RTKN2: variants seen among roughly 807,000 people sequenced by gnomAD.
The protein encoded by RTKN2 is rhotekin-2.
Under a neutral mutation model 71.5 loss-of-function variants are expected in RTKN2, and 69 were observed. That is an observed-to-expected ratio of 0.96 (90% CI 0.79 to 1.18). RTKN2 has a LOEUF of 1.18. Among genes scored for constraint, RTKN2 ranks in the 50% most tolerant of loss-of-function variants. The pLI is 0.00. For synonymous variants in RTKN2, 236 were observed against 236.5 expected (o/e 1.00, Z 0.02); for missense variants, 724 against 719.7 (o/e 1.01, Z -0.07).
intron 6 of RTKN2, among the ~76,000 whole-genome samples, chr10:62,234,424 G>A (rs185684975): frequency 3.7e-4 from 56 of 151,068 alleles, no homozygotes; most frequent in Non-Finnish European, 6.5e-4. Flanking sequence ...TAGCTACTCA[G>A]GAGGCTGAGG....
At chr10:62,205,248 T>G (rs1234314904) in intron 9 of RTKN2, among the ~76,000 whole-genome samples, 4 of 152,186 alleles carry the variant, frequency 2.6e-5, no homozygotes, top group Non-Finnish European at 5.9e-5. Flanking sequence ...ATGTCTTAAA[T>G]TATGCTATAT....
At chr10:62,205,054 A>G (rs200860136) in intron 9 of RTKN2, 32 bp from the exon 10 acceptor site, 22 of 1,544,726 alleles carry the variant, frequency 1.4e-5, no homozygotes, top group Non-Finnish European at 1.8e-5. Flanking sequence ...GGGGTTTTGC[A>G]TGAGAAAATT....
intron 7 of RTKN2, 25 bp downstream of exon 7, chr10:62,223,213 T>C: frequency 1.5e-6 from 2 of 1,291,974 alleles, no homozygotes; most frequent in Non-Finnish European, 2.2e-6. Flanking sequence ...ATATATGTAA[T>C]AAGTAAAATA....
At chr10:62,210,598 C>A (rs1248921495) in intron 9 of RTKN2, among the ~76,000 whole-genome samples, 1 of 152,040 alleles carries the variant, frequency 6.6e-6, no homozygotes, top group Non-Finnish European at 1.5e-5. Flanking sequence ...TCCTGTTAAT[C>A]AGCAATGAAG....
At chr10:62,227,851 T>C (rs113743025) in intron 6 of RTKN2, among the ~76,000 whole-genome samples, 6 of 152,002 alleles carry the variant, frequency 3.9e-5, no homozygotes, top group African/African-American at 1.5e-4. Context: ...CCTGATATAT[T>C]CTCTAAGTTT....
chr10:62,217,710 A>G (rs1405925317), intron 8 of RTKN2, among the ~76,000 whole-genome samples: 1 of 152,236 alleles, frequency 6.6e-6, no homozygotes, highest in Non-Finnish European at 1.5e-5. Context: ...TCCTAATGGA[A>G]TCTTTTAGAA....
intron 7 of RTKN2, among the ~76,000 whole-genome samples, chr10:62,219,714 C>G (rs753920458): frequency 9.2e-5 from 14 of 151,724 alleles, no homozygotes; most frequent in Non-Finnish European, 2.1e-4. Context: ...CTCCAGAGGC[C>G]AAGGTGGGAG....
At chr10:62,244,517 T>C (rs1842441773) in intron 3 of RTKN2, among the ~76,000 whole-genome samples, 1 of 142,346 alleles carries the variant, frequency 7.0e-6, no homozygotes, top group African/African-American at 2.6e-5. Context: ...TTGACTATCA[T>C]GGCATTTGAG....
At chr10:62,213,792 GC>G (rs1194918206) in intron 9 of RTKN2, among the ~76,000 whole-genome samples, 6 of 151,922 alleles carry the variant, frequency 3.9e-5, no homozygotes, top group Admixed American at 2.6e-4. Flanking sequence ...ATGTATATGG[GC>G]CATCAGTATG....
rs1008008451 is a variant in RTKN2, at chr10:62,268,651, G to C, written c.-41C>G. 4.0e-5 allele frequency: 61 copies of C among 1,540,960 alleles called. No homozygotes were observed. Among genetic ancestry groups the C allele is most frequent in the Non-Finnish European group, 5.2e-5 (59 of 1,140,264 alleles). On this transcript the variant is annotated 5_prime_UTR_variant, in exon 1 of 12. Transcript: ENST00000373789. ...TCCGGGCCGTCGCCACTCCTTCAAA[G>C]GGAAGATTTGAAAAGCCCGCCCCTG...
At position 62,268,768 on chromosome 10, in the gene RTKN2, CGCAGTGGGCGCGCCTTGCGCTCT is replaced by C. The variant is rs1399035734; in HGVS notation, c.-181_-159del. 2 of 715,548 alleles carry C rather than the reference CGCAGTGGGCGCGCCTTGCGCTCT, an allele frequency of 2.8e-6. No homozygotes were observed. The highest frequency in any genetic ancestry group is 4.5e-6 in the Non-Finnish European group (2 of 442,244). 44.3% of individuals were successfully genotyped at this position (715,548 alleles called of 1,614,324 possible). On this transcript the variant is annotated 5_prime_UTR_variant, in exon 1 of 12. Coordinates refer to ENST00000373789, the MANE Select transcript of RTKN2 (RefSeq NM_145307.4). Reference sequence around the variant, plus strand: ...AGGAGGAGCCGGGCCGAAGCGCACGCGCAGTGGGCGCGCCTTGCGCTCTGCAGCTCCCGCCGCCGGAAGTTGCC... The same window carrying C: ...AGGAGGAGCCGGGCCGAAGCGCACGCGCAGCTCCCGCCGCCGGAAGTTGCC...
intron 8 of RTKN2, chr10:62,184,451 C>T: frequency 2.4e-6 from 2 of 822,464 alleles, no homozygotes; most frequent in Non-Finnish European, 3.8e-6. Context: ...AGAAAGTCAC[C>T]ACCAATCAGA....
At chr10:62,258,639 A>G (rs1201177724) in intron 2 of RTKN2, among the ~76,000 whole-genome samples, 2 of 152,226 alleles carry the variant, frequency 1.3e-5, no homozygotes, top group Admixed American at 6.5e-5. Context: ...AAATAAAATG[A>G]TAAAACATAA....
chr10:62,215,410 A>G (rs1841747944), intron 9 of RTKN2, among the ~76,000 whole-genome samples: 1 of 152,064 alleles, frequency 6.6e-6, no homozygotes, highest in African/African-American at 2.4e-5. Flanking sequence ...AAAGGAATCA[A>G]AGGAAATGCT....
intron 3 of RTKN2, 72 bp downstream of exon 3, chr10:62,245,927 T>A: frequency 2.1e-6 from 2 of 942,456 alleles, no homozygotes; most frequent in South Asian, 1.6e-5. Flanking sequence ...AGACAGGGCA[T>A]AAAACAAAAT....
intron 7 of RTKN2, among the ~76,000 whole-genome samples, chr10:62,222,918 C>G (rs1841940307): frequency 6.6e-6 from 1 of 152,148 alleles, no homozygotes; most frequent in African/African-American, 2.4e-5. Flanking sequence ...AAGCTGGCTT[C>G]CTTGATTTCA....
chr10:62,263,457 C>A (rs1354210667), intron 1 of RTKN2, among the ~76,000 whole-genome samples: 1 of 152,178 alleles, frequency 6.6e-6, no homozygotes, highest in East Asian at 1.9e-4. Context: ...ATAAATTTCT[C>A]TTGTTTTCAG....
At chr10:62,249,212 C>G (rs546972735) in intron 2 of RTKN2, among the ~76,000 whole-genome samples, 2 of 152,130 alleles carry the variant, frequency 1.3e-5, no homozygotes, top group East Asian at 1.9e-4. Flanking sequence ...AATAATCATA[C>G]AAAGCTCACA....
intron 2 of RTKN2, among the ~76,000 whole-genome samples, chr10:62,259,911 C>T (rs893742873): frequency 2.6e-5 from 4 of 152,158 alleles, no homozygotes; most frequent in African/African-American, 9.7e-5. Context: ...GGACTCTATC[C>T]ATCCTTCACA....
Sources: allele counts gnomAD v4.1 joint callset (sites outside exome capture counted in the v4.1 genomes callset), GRCh38; gene constraint gnomAD v4.1.1; transcripts MANE v1.5; gene names NCBI Gene and HGNC (gene_info 2026-07-23, HGNC 2026-07-21).